Variants in CTBP1 observed in about 807,000 individuals in gnomAD.
The protein encoded by CTBP1 is C-terminal binding protein 1, also known as C-terminal-binding protein 1.
A neutral mutation model predicts 42.1 loss-of-function variants in CTBP1; 11 were observed. The ratio of observed to expected loss-of-function variants is 0.26; its 90% CI spans 0.16 to 0.43. The LOEUF (loss-of-function observed/expected upper bound fraction) is 0.43, where lower values mean the gene tolerates loss of function less well. CTBP1 is among the 20% of genes least tolerant of loss of function. The pLI is 1.00. For synonymous variants in CTBP1, 324 were observed against 277.1 expected (o/e 1.17, Z -1.68); for missense variants, 399 against 624.3 (o/e 0.64, Z 3.85).
At chr4:1,214,270 G>T in intron 7 of CTBP1, 73 bp downstream of exon 7, 1 of 1,449,804 alleles carries the variant, frequency 6.9e-7, no homozygotes, top group African/African-American at 1.5e-5. Context: ...TGGCAGAGGC[G>T]CCGTCTGGAG....
Position 1,245,704 on chromosome 4 carries a change from G to A in CTBP1, c.-189+3212C>T. ...ACGGGTGGGCAGGGTGGCACGGGCG[G>A]GCAGGATGGCACAAGCAGGTCAGGG... On this transcript the variant is annotated intron_variant, in intron 1 of 9. Transcript: ENST00000382952. 3 of 981,062 alleles carry A rather than the reference G, an allele frequency of 3.1e-6. No individual in the cohort carries two copies. In the South Asian group the frequency reaches 1.4e-4, roughly 46 times the overall value. 60.8% of individuals were successfully genotyped at this position (981,062 alleles called of 1,614,324 possible).
chr4:1,214,931 C>A (rs1728946788), intron 6 of CTBP1, among the ~76,000 whole-genome samples: 1 of 152,276 alleles, frequency 6.6e-6, no homozygotes, highest in African/African-American at 2.4e-5. Flanking sequence ...AGCAGAGCCT[C>A]CGTCTTCGGA....
intron 4 of CTBP1, among the ~76,000 whole-genome samples, chr4:1,226,699 G>A (rs1560251913): frequency 6.6e-6 from 1 of 151,684 alleles, no homozygotes; most frequent in Non-Finnish European, 1.5e-5. Flanking sequence ...CCCTCAAAAA[G>A]CACCAGGCAT....
chr4:1,245,397 C>T, intron 1 of CTBP1: 2 of 985,422 alleles, frequency 2.0e-6, no homozygotes, highest in Non-Finnish European at 2.4e-6. Flanking sequence ...GCTCCTACCA[C>T]ATGTGGGGTA....
Position 1,246,752 on chromosome 4 carries a change from C to T in CTBP1, c.-189+2164G>A, listed in dbSNP as rs550021376. Reference sequence around the variant, plus strand: ...GGAACCAGGTGTGGCTTGACGGCCACCTCTAAGCCCCGAGGGAAGAGACTG... The same window carrying T: ...GGAACCAGGTGTGGCTTGACGGCCATCTCTAAGCCCCGAGGGAAGAGACTG... On this transcript the variant is annotated intron_variant, in intron 1 of 9. Transcript: ENST00000382952. Among the ~76,000 whole-genome samples, 23 of 152,354 alleles carry T rather than the reference C, an allele frequency of 1.5e-4. No homozygotes were observed. In the South Asian group the frequency reaches 3.7e-3, roughly 25 times the overall value.
In CTBP1 at chr4:1,215,024, C is replaced by G. The variant is rs375502652; in HGVS notation, c.730-551G>C. On this transcript the variant is annotated intron_variant, in intron 6 of 9. Transcript: ENST00000382952. ...TTCGTGGCCAGGGCTTTCCTGCAGCCCCCCCATTTCATTCCAAGAAGTCCA... is the reference window on the plus strand; with the variant it reads ...TTCGTGGCCAGGGCTTTCCTGCAGCGCCCCCATTTCATTCCAAGAAGTCCA... 5.9e-5 allele frequency among the ~76,000 whole-genome samples: 9 copies of G among 152,188 alleles called. 1 individual carries two copies. In the East Asian group the frequency reaches 7.7e-4, roughly 13 times the overall value.
At chr4:1,239,944 C>A (rs912350297) in intron 2 of CTBP1, among the ~76,000 whole-genome samples, 4 of 152,246 alleles carry the variant, frequency 2.6e-5, no homozygotes, top group Non-Finnish European at 4.4e-5. Context: ...TCCCTCTGCA[C>A]GTGGCCTCCC....
chr4:1,218,462 TG>T (rs1231669767), intron 5 of CTBP1: 1 of 151,572 alleles, frequency 6.6e-6, no homozygotes, highest in East Asian at 1.9e-4. Context: ...AATCGGTCAC[TG>T]GTGAGCCACA....
intron 1 of CTBP1, chr4:1,245,116 CCAGA>C (rs904637946): frequency 1.8e-5 from 18 of 985,334 alleles, no homozygotes; most frequent in Admixed American, 6.1e-5. Context: ...CGACAGCACC[CCAGA>C]CAGACACTGC....
rs907664269 is a variant in CTBP1 at position 1,238,451 on chromosome 4, T to C, written c.8-114A>G. 14 of 1,234,730 alleles carry C rather than the reference T, an allele frequency of 1.1e-5. No homozygotes were observed. The highest frequency in any genetic ancestry group is 6.0e-5 in the African/African-American group (4 of 66,152). 76.5% of individuals were successfully genotyped at this position (1,234,730 alleles called of 1,614,324 possible). On this transcript the variant is annotated intron_variant, in intron 2 of 9. Transcript: ENST00000382952. The surrounding 1 kb of genome is among the most constrained non-coding windows in gnomAD (Gnocchi z 5.9). ...CGAGGGCCGACCGCCGGGGGTTTTC[T>C]GGTCTATATGTTGTGATATTTGTAA...
At chr4:1,242,617 C>T in intron 1 of CTBP1, 4 of 985,448 alleles carry the variant, frequency 4.1e-6, no homozygotes, top group Middle Eastern at 5.2e-4. Context: ...GCACGCACCT[C>T]CCATCCAGGG....
At chr4:1,215,827 G>C (rs1729047127) in intron 6 of CTBP1, 164 bp downstream of exon 6, 1 of 674,926 alleles carries the variant, frequency 1.5e-6, no homozygotes, top group Non-Finnish European at 2.5e-6. Flanking sequence ...AACGCTGTCT[G>C]GGCAGACAGG....
chr4:1,240,666 T>C (rs1252198074), intron 2 of CTBP1, among the ~76,000 whole-genome samples: 1 of 151,902 alleles, frequency 6.6e-6, no homozygotes, highest in Non-Finnish European at 1.5e-5. Flanking sequence ...GTCCCTCAGC[T>C]GAACGGTGGG....
At position 1,241,970 on chromosome 4, in the gene CTBP1, A is replaced by G. The variant is rs1331117393; in HGVS notation, c.-188-451T>C. 7.9e-6 allele frequency: 8 copies of G among 1,016,186 alleles called. No individual in the cohort carries two copies. In the African/African-American group the frequency reaches 1.4e-4, roughly 18 times the overall value. The allele number at this position is 1,016,186 out of a possible 1,614,324, so 62.9% of individuals were successfully genotyped here. ...CCCGGGCCTCTGTGACCAGGCAAGG[A>G]CGTGGAACTTCCCAGGAGCCACCGG... is the stretch of plus-strand genomic sequence containing the variant. On this transcript the variant is annotated intron_variant, in intron 1 of 9. Transcript: ENST00000382952.
chr4:1,214,594 C>G (rs1728904388), intron 6 of CTBP1, 121 bp from the exon 7 acceptor site: 6 of 1,282,904 alleles, frequency 4.7e-6, no homozygotes, highest in Non-Finnish European at 6.2e-6. Context: ...TTCCCAGCCC[C>G]ACCCTGGGCT....
chr4:1,219,575 T>C (rs189482446), intron 5 of CTBP1, among the ~76,000 whole-genome samples: 2 of 152,310 alleles, frequency 1.3e-5, no homozygotes, highest in East Asian at 1.9e-4. Context: ...CTGCTGATGA[T>C]TGTAGCTAAT....
chr4:1,230,078 C>T (rs1043687141), intron 3 of CTBP1, among the ~76,000 whole-genome samples: 3 of 152,148 alleles, frequency 2.0e-5, no homozygotes, highest in African/African-American at 7.2e-5. Flanking sequence ...CCCGGGCCTC[C>T]TGGGAGGGCT....
intron 1 of CTBP1, chr4:1,243,568 T>C (rs1490228216): frequency 2.0e-6 from 2 of 985,306 alleles, no homozygotes; most frequent in Admixed American, 6.1e-5. Context: ...CTGGGGCCAC[T>C]GTGCACCCAC....
rs1210322250 is a variant in CTBP1 at position 1,212,435 on chromosome 4, G to C, written c.1107-12C>G. On this transcript the variant is annotated splice_polypyrimidine_tract_variant and intron_variant, in intron 9 of 9. Transcript: ENST00000382952. ...CGCCCGGAGGGTACCTGCTGGGAGAGGGTCCATCCGTGAGGCCCACCTGTA... is the reference window on the plus strand; with the variant it reads ...CGCCCGGAGGGTACCTGCTGGGAGACGGTCCATCCGTGAGGCCCACCTGTA... 9.1e-6 allele frequency: 13 copies of C among 1,431,738 alleles called. No homozygotes were observed. The highest frequency in any genetic ancestry group is 1.2e-5 in the Non-Finnish European group (13 of 1,094,406). 88.7% of individuals were successfully genotyped at this position (1,431,738 alleles called of 1,614,324 possible).
Sources: gnomAD v4.1 joint callset for allele counts (sites outside exome capture counted in the v4.1 genomes callset) on GRCh38, gnomAD v4.1.1 for gene constraint, Gnocchi (gnomAD v3.1) non-coding constraint, MANE v1.5 for transcripts, NCBI Gene and HGNC (gene_info 2026-07-23, HGNC 2026-07-21) for gene names.